CACNA1E: variants seen among roughly 807,000 people sequenced by gnomAD.
CACNA1E encodes the protein voltage-dependent R-type calcium channel subunit alpha-1E.
In CACNA1E, 40 loss-of-function variants were observed where a neutral mutation model predicts 259.2. That is an observed-to-expected ratio of 0.15 (90% CI 0.12 to 0.20). The LOEUF (loss-of-function observed/expected upper bound fraction) is 0.20, where lower values mean the gene tolerates loss of function less well. Among genes scored for constraint, CACNA1E ranks in the 10% least tolerant of loss-of-function variants. The probability of loss-of-function intolerance (pLI) is 1.00; values close to 1 mark genes in which losing one functional copy is unlikely to be tolerated. For missense variants in CACNA1E, 1,874 were observed against 3,040.1 expected, an observed-to-expected ratio of 0.62 and a Z score of 9.02; for synonymous variants, 1,104 against 1,138.5, an observed-to-expected ratio of 0.97 and a Z score of 0.61.
At chr1:181,376,595 G>C (rs74517693) in intron 1 of CACNA1E, among the ~76,000 whole-genome samples, 1 of 152,238 alleles carries the variant, frequency 6.6e-6, no homozygotes, top group African/African-American at 2.4e-5. Context: ...TCACAGCTTG[G>C]GGCAGGAGAG....
Position 181,530,654 on chromosome 1 carries a change from A to G in CACNA1E, c.512+19144A>G, listed in dbSNP as rs139296643. On this transcript the variant is annotated intron_variant, in intron 3 of 47. Transcript: ENST00000367573. Reference sequence around the variant, plus strand: ...CATCGAAGAGACTAAATGGAATGGCATATGTGAAAATGTCTGGTAACTTTA... The same window carrying G: ...CATCGAAGAGACTAAATGGAATGGCGTATGTGAAAATGTCTGGTAACTTTA... 1.7e-3 allele frequency among the ~76,000 whole-genome samples: 259 copies of G among 152,364 alleles called. 1 individual carries two copies. Among genetic ancestry groups the G allele is most frequent in the African/African-American group, 5.9e-3 (244 of 41,580 alleles).
intron 18 of CACNA1E, among the ~76,000 whole-genome samples, chr1:181,730,610 G>C (rs1400679181): frequency 6.6e-6 from 1 of 152,234 alleles, no homozygotes; most frequent in African/African-American, 2.4e-5. Context: ...GTACATGGAT[G>C]GTGGCCTACG....
intron 7 of CACNA1E, among the ~76,000 whole-genome samples, chr1:181,685,255 G>T (rs1173704929): frequency 9.9e-6 from 1 of 101,332 alleles, no homozygotes; most frequent in Admixed American, 1.2e-4. Flanking sequence ...TTTTTGAGAC[G>T]GAATTAAGTT....
chr1:181,546,912 G>A (rs896645717), intron 3 of CACNA1E, among the ~76,000 whole-genome samples: 3 of 152,110 alleles, frequency 2.0e-5, no homozygotes, highest in African/African-American at 7.2e-5. Context: ...TTCTCAAGTC[G>A]TGCCTGTCCT....
At chr1:181,393,437 G>A (rs1034993034) in intron 1 of CACNA1E, among the ~76,000 whole-genome samples, 1 of 152,154 alleles carries the variant, frequency 6.6e-6, no homozygotes, top group Non-Finnish European at 1.5e-5. Context: ...GGATGGAACT[G>A]TTGGAGGGGT....
intron 1 of CACNA1E, among the ~76,000 whole-genome samples, chr1:181,376,889 G>A (rs1412543337): frequency 6.6e-6 from 1 of 152,146 alleles, no homozygotes; most frequent in African/African-American, 2.4e-5. Flanking sequence ...CCCTGAGGCT[G>A]TCAGGGATAA....
intron 1 of CACNA1E, among the ~76,000 whole-genome samples, chr1:181,501,906 G>A (rs1021222571): frequency 1.2e-4 from 18 of 151,894 alleles, no homozygotes; most frequent in African/African-American, 3.9e-4. Context: ...TTTTTGTTTT[G>A]TTTTGTTTTA....
At chr1:181,548,479 T>C (rs1020572016) in intron 3 of CACNA1E, among the ~76,000 whole-genome samples, 1 of 152,232 alleles carries the variant, frequency 6.6e-6, no homozygotes, top group East Asian at 1.9e-4. Flanking sequence ...TGGATAATTA[T>C]GAACAGACTC....
intron 5 of CACNA1E, among the ~76,000 whole-genome samples, chr1:181,580,006 A>G (rs1271373890): frequency 6.6e-6 from 1 of 152,222 alleles, no homozygotes. Context: ...TGAGTTGAGT[A>G]TCCTAGGAGG....
intron 1 of CACNA1E, among the ~76,000 whole-genome samples, chr1:181,486,446 C>T (rs899714429): frequency 6.6e-6 from 1 of 152,190 alleles, no homozygotes; most frequent in Non-Finnish European, 1.5e-5. Context: ...ATTGGGCTTC[C>T]GTGGGAAACG....
intron 27 of CACNA1E, among the ~76,000 whole-genome samples, chr1:181,754,076 G>C (rs1012335516): frequency 7.2e-5 from 11 of 152,214 alleles, no homozygotes; most frequent in African/African-American, 1.4e-4. Context: ...CTCACACACA[G>C]AGCGTGGCCA....
intron 1 of CACNA1E, among the ~76,000 whole-genome samples, chr1:181,335,572 A>T (rs750100749): frequency 6.6e-6 from 1 of 152,192 alleles, no homozygotes; most frequent in African/African-American, 2.4e-5. Context: ...TCAGCTGTGC[A>T]TGCTGCTGTA....
In CACNA1E at chr1:181,607,642, T is replaced by G. The variant is rs117788463; in HGVS notation, c.951+26866T>G. On this transcript the variant is annotated intron_variant, in intron 6 of 47. Coordinates refer to ENST00000367573, the MANE Select transcript of CACNA1E (RefSeq NM_001205293.3). ...ATGGTAATAATACCTTGTCTATCTT[T>G]CAGGGTTGTTGTGAGGAAAAGATGA... is the stretch of plus-strand genomic sequence containing the variant. Among the ~76,000 whole-genome samples the G allele has an allele frequency of 3.5e-4, 54 of 152,354 alleles. 1 individual carries two copies. In the East Asian group the frequency reaches 0.01, roughly 28 times the overall value.
chr1:181,535,829 A>T (rs534765895), intron 3 of CACNA1E, among the ~76,000 whole-genome samples: 35 of 151,996 alleles, frequency 2.3e-4, no homozygotes, highest in African/African-American at 8.2e-4. Context: ...CTGGGATTAC[A>T]GGCATGCACT....
At chr1:181,529,170 G>A (rs1667589198) in intron 3 of CACNA1E, among the ~76,000 whole-genome samples, 1 of 152,212 alleles carries the variant, frequency 6.6e-6, no homozygotes, top group African/African-American at 2.4e-5. Context: ...TGGCTGAAAG[G>A]AGCCAATGTA....
intron 7 of CACNA1E, among the ~76,000 whole-genome samples, chr1:181,672,373 T>G (rs1333551407): frequency 1.3e-5 from 2 of 152,114 alleles, no homozygotes; most frequent in Non-Finnish European, 2.9e-5. Flanking sequence ...AAACCTAAAA[T>G]AAAGTAACTT....
At chr1:181,598,973 G>A (rs1441320308) in intron 6 of CACNA1E, among the ~76,000 whole-genome samples, 1 of 151,808 alleles carries the variant, frequency 6.6e-6, no homozygotes, top group Non-Finnish European at 1.5e-5. Flanking sequence ...TAAGTTCAGG[G>A]GTATATGTGC....
At chr1:181,378,278 C>G (rs1655236342) in intron 1 of CACNA1E, among the ~76,000 whole-genome samples, 1 of 152,218 alleles carries the variant, frequency 6.6e-6, no homozygotes, top group Admixed American at 6.5e-5. Context: ...AAAAATCACA[C>G]ATGGTATATG....
intron 3 of CACNA1E, among the ~76,000 whole-genome samples, chr1:181,534,945 T>C (rs1242740991): frequency 6.6e-6 from 1 of 151,808 alleles, no homozygotes; most frequent in Non-Finnish European, 1.5e-5. Flanking sequence ...CACTAGAAAA[T>C]TGAAAATAGA....
Sources: gnomAD v4.1 joint callset for allele counts (sites outside exome capture counted in the v4.1 genomes callset) on GRCh38, gnomAD v4.1.1 for gene constraint, MANE v1.5 for transcripts, NCBI Gene and HGNC (gene_info 2026-07-23, HGNC 2026-07-21) for gene names.